The following RALGPS2 variants were observed in gnomAD, a reference collection of about 807,000 sequenced individuals.
RALGPS2 encodes Ral GEF with PH domain and SH3 binding motif 2, also known as ras-specific guanine nucleotide-releasing factor RalGPS2.
Under a neutral mutation model 86.8 loss-of-function variants are expected in RALGPS2, and 43 were observed. That is an observed-to-expected ratio of 0.50 (90% CI 0.39 to 0.64). The LOEUF is 0.64. Ranked by LOEUF, RALGPS2 falls within the 30% of genes least tolerant of loss-of-function variation. The pLI is 0.00. For missense variants in RALGPS2, 536 were observed against 694.6 expected, an observed-to-expected ratio of 0.77 and a Z score of 2.57; for synonymous variants, 243 against 231.3, an observed-to-expected ratio of 1.05 and a Z score of -0.46.
chr1:178,860,434 T>C (rs1420057227), intron 8 of RALGPS2, among the ~76,000 whole-genome samples: 2 of 152,234 alleles, frequency 1.3e-5, no homozygotes, highest in African/African-American at 4.8e-5. Flanking sequence ...TCATAACATC[T>C]TTTATAAAAT....
intron 7 of RALGPS2, among the ~76,000 whole-genome samples, chr1:178,828,095 G>T (rs1247395953): frequency 6.6e-6 from 1 of 152,136 alleles, no homozygotes. Context: ...TACAAGCAAC[G>T]AAAGCAAAAA....
At chr1:178,902,268 A>G (rs546068526) in intron 18 of RALGPS2, 57 bp downstream of exon 18, 25 of 1,319,184 alleles carry the variant, frequency 1.9e-5, no homozygotes, top group Non-Finnish European at 2.5e-5. Flanking sequence ...GTGTATATGT[A>G]TGTATGTATG....
chr1:178,773,709 T>C (rs1652922337), intron 1 of RALGPS2, among the ~76,000 whole-genome samples: 1 of 150,882 alleles, frequency 6.6e-6, no homozygotes, highest in African/African-American at 2.4e-5. Context: ...GGCAGGAGAA[T>C]GGTGTGAACC....
At position 178,877,023 on chromosome 1, in the gene RALGPS2, A is replaced by G. The variant is rs776900223; in HGVS notation, c.608-475A>G. ...AAAACAAATATTAAATAATTTCCCTATGTCAGTCAGTGGCTGGGCTGCTGG... is the reference window on the plus strand; with the variant it reads ...AAAACAAATATTAAATAATTTCCCTGTGTCAGTCAGTGGCTGGGCTGCTGG... On this transcript the variant is annotated intron_variant, in intron 8 of 19. Coordinates refer to ENST00000367635, the MANE Select transcript of RALGPS2 (RefSeq NM_152663.5). Among the ~76,000 whole-genome samples, 111 of 152,158 alleles carry G rather than the reference A, an allele frequency of 7.3e-4. 1 individual carries two copies. Among genetic ancestry groups the G allele is most frequent in the Non-Finnish European group, 2.4e-4 (16 of 67,990 alleles).
intron 19 of RALGPS2, among the ~76,000 whole-genome samples, chr1:178,912,484 C>T (rs1660663825): frequency 6.6e-6 from 1 of 152,072 alleles, no homozygotes; most frequent in Non-Finnish European, 1.5e-5. Context: ...GTTGGAATTT[C>T]TTTTCTTTAA....
intron 1 of RALGPS2, among the ~76,000 whole-genome samples, chr1:178,749,109 A>T (rs553652565): frequency 6.6e-6 from 1 of 151,988 alleles, no homozygotes. Flanking sequence ...ACCACCAACA[A>T]CCCATTTAGT....
chr1:178,852,271 T>C (rs1657221653), intron 8 of RALGPS2, among the ~76,000 whole-genome samples: 1 of 152,186 alleles, frequency 6.6e-6, no homozygotes, highest in Non-Finnish European at 1.5e-5. Context: ...AGAGTACTTA[T>C]TCCCACCTAA....
At chr1:178,892,912 A>G (rs1269995161) in intron 15 of RALGPS2, among the ~76,000 whole-genome samples, 1 of 152,044 alleles carries the variant, frequency 6.6e-6, no homozygotes, top group Non-Finnish European at 1.5e-5. Context: ...ACAACAAAAT[A>G]CCAAACTTCA....
chr1:178,865,860 G>C, intron 8 of RALGPS2: 1 of 1,030,362 alleles, frequency 9.7e-7, no homozygotes. Flanking sequence ...ATTAATCTAT[G>C]TTAAAGTCAG....
At chr1:178,833,872 A>G (rs1418890522) in intron 8 of RALGPS2, among the ~76,000 whole-genome samples, 1 of 152,190 alleles carries the variant, frequency 6.6e-6, no homozygotes, top group African/African-American at 2.4e-5. Flanking sequence ...TGTTTAATAC[A>G]TTAAGGAAAT....
intron 1 of RALGPS2, among the ~76,000 whole-genome samples, chr1:178,745,936 C>T (rs556844336): frequency 1.3e-5 from 2 of 150,566 alleles, no homozygotes; most frequent in Admixed American, 6.6e-5. Flanking sequence ...ATTCTCCTGC[C>T]TCAGCCTCCC....
intron 1 of RALGPS2, among the ~76,000 whole-genome samples, chr1:178,732,479 T>TAAAA (rs1465907064): frequency 1.1e-4 from 16 of 151,978 alleles, no homozygotes; most frequent in African/African-American, 3.9e-4. Context: ...TTTGTTTTTT[T>TAAAA]AGTAGAGACA....
chr1:178,726,612 C>G lies in RALGPS2; in HGVS notation c.-84+1193C>G, dbSNP rs140032351. On this transcript the variant is annotated intron_variant, in intron 1 of 19. Coordinates refer to ENST00000367635, the MANE Select transcript of RALGPS2 (RefSeq NM_152663.5). ...TTTAAGACCATAAAGTGGAATCACA[C>G]AAGCAGCAGTTAATTGAGCTTTATC... 4.0e-3 allele frequency among the ~76,000 whole-genome samples: 603 copies of G among 152,018 alleles called. 4 individuals are homozygous for G. Among genetic ancestry groups the G allele is most frequent in the Non-Finnish European group, 6.1e-3 (414 of 67,968 alleles).
chr1:178,892,299 G>C lies in RALGPS2; in HGVS notation c.1317G>C (p.Lys439Asn). The change falls in exon 15 of 20, where the codon AAG (lysine) becomes AAC (asparagine). Residue 439 changes from lysine (K) to asparagine (N), a missense_variant. Transcript: ENST00000367635. Reference sequence around the variant, plus strand: ...GAAATGGCTATCGAAGTCACATGAAGGCCAGCAGGTACAATTCCCCTGCAT... The same window carrying C: ...GAAATGGCTATCGAAGTCACATGAACGCCAGCAGGTACAATTCCCCTGCAT... ...VARNGYRSHM[K>N]ASSSAESEDL... The C allele has an allele frequency of 6.2e-7, 1 of 1,612,400 alleles. No individual in the cohort carries two copies. Among genetic ancestry groups the C allele is most frequent in the Non-Finnish European group, 8.5e-7 (1 of 1,178,914 alleles).
intron 1 of RALGPS2, among the ~76,000 whole-genome samples, chr1:178,775,002 A>G (rs995385711): frequency 7.2e-5 from 11 of 152,150 alleles, no homozygotes; most frequent in Non-Finnish European, 1.2e-4. Flanking sequence ...TTGCTTCCCA[A>G]AGGTGTATTT....
At chr1:178,743,757 G>A (rs571221223) in intron 1 of RALGPS2, among the ~76,000 whole-genome samples, 4 of 152,144 alleles carry the variant, frequency 2.6e-5, no homozygotes, top group African/African-American at 4.8e-5. Flanking sequence ...TGAATTGGAC[G>A]AATTTTTTGA....
chr1:178,801,259 C>CT (rs1246073718), intron 4 of RALGPS2, among the ~76,000 whole-genome samples: 2 of 151,928 alleles, frequency 1.3e-5, no homozygotes, highest in African/African-American at 2.4e-5. Flanking sequence ...ATGTGGGTCT[C>CT]TTTTTTGTTC....
chr1:178,850,488 GC>G (rs1657099351), intron 8 of RALGPS2: 1 of 151,526 alleles, frequency 6.6e-6, no homozygotes, highest in Non-Finnish European at 1.5e-5. Context: ...TTTAAATTAT[GC>G]ATGCATTATT....
chr1:178,868,745 C>A (rs1572431095), intron 8 of RALGPS2, among the ~76,000 whole-genome samples: 1 of 151,854 alleles, frequency 6.6e-6, no homozygotes, highest in Non-Finnish European at 1.5e-5. Context: ...TAAGATAAAT[C>A]ACTGTTTACC....
Sources: allele counts gnomAD v4.1 joint callset (sites outside exome capture counted in the v4.1 genomes callset), GRCh38; gene constraint gnomAD v4.1.1; transcripts MANE v1.5; gene names NCBI Gene and HGNC (gene_info 2026-07-23, HGNC 2026-07-21).